The following STXBP4 variants were observed in gnomAD, a reference collection of about 807,000 sequenced individuals.
The protein encoded by STXBP4 is syntaxin-binding protein 4.
A neutral mutation model predicts 76.1 loss-of-function variants in STXBP4; 55 were observed. That is an observed-to-expected ratio of 0.72 (90% CI 0.58 to 0.91). STXBP4 has a LOEUF of 0.91. STXBP4 is among the 40% of genes least tolerant of loss of function. The pLI, the probability that STXBP4 is intolerant of heterozygous loss-of-function variation, is 0.00. For synonymous variants in STXBP4, 201 were observed against 220.2 expected (o/e 0.91, Z 0.77); for missense variants, 618 against 636.9 (o/e 0.97, Z 0.32).
chr17:54,997,513 T>A lies in STXBP4; in HGVS notation c.181-1832T>A, dbSNP rs538686363. Among the ~76,000 whole-genome samples, 412 of 136,618 alleles carry A rather than the reference T, an allele frequency of 3.0e-3. 1 individual carries two copies. The highest frequency in any genetic ancestry group is 6.8e-3 in the African/African-American group (264 of 38,890). The allele number at this position is 136,618 out of a possible 152,430, so 89.6% of individuals were successfully genotyped here. ...TCACATATTTACATAAAATCAAAAA[T>A]TTTTTTTAAATTATATATATAACAT... is the stretch of plus-strand genomic sequence containing the variant. On this transcript the variant is annotated intron_variant, in intron 4 of 17. Coordinates refer to ENST00000376352, the MANE Select transcript of STXBP4 (RefSeq NM_178509.6).
In STXBP4 at chr17:55,160,045, C is replaced by T; in HGVS notation, c.*134C>T. 1 of 545,456 alleles carries T rather than the reference C, an allele frequency of 1.8e-6. No individual in the cohort carries two copies. The allele number at this position is 545,456 out of a possible 1,614,324, so 33.8% of individuals were successfully genotyped here. Reference sequence around the variant, plus strand: ...TGAAGTGTGAAATGGAGACTCTGGACTTTGGGTATTTTTGTAAAACTTTTG... The same window carrying T: ...TGAAGTGTGAAATGGAGACTCTGGATTTTGGGTATTTTTGTAAAACTTTTG... On this transcript the variant is annotated 3_prime_UTR_variant, in exon 18 of 18. Transcript: ENST00000376352.
intron 16 of STXBP4, among the ~76,000 whole-genome samples, chr17:55,110,620 T>C (rs1055285942): frequency 6.0e-4 from 91 of 152,320 alleles, no homozygotes; most frequent in Non-Finnish European, 1.1e-3. Context: ...AACCAAGTAG[T>C]AACTATTTTA....
At chr17:55,040,807 A>C (rs1031029801) in intron 10 of STXBP4, among the ~76,000 whole-genome samples, 1 of 152,186 alleles carries the variant, frequency 6.6e-6, no homozygotes, top group Non-Finnish European at 1.5e-5. Context: ...AAGGTTAAGG[A>C]ATATAAATTT....
intron 4 of STXBP4, among the ~76,000 whole-genome samples, chr17:54,995,341 T>G (rs1413887933): frequency 6.6e-6 from 1 of 152,188 alleles, no homozygotes; most frequent in African/African-American, 2.4e-5. Flanking sequence ...TTCATTTTTA[T>G]TTCTTTCTTT....
At chr17:55,207,307 C>T in the STXBP4 span, among the ~76,000 whole-genome samples, 2 of 152,164 alleles carry the variant, frequency 1.3e-5, no homozygotes, top group Admixed American at 6.5e-5. Context: ...CATGTACACC[C>T]CAACTCCCAC....
chr17:55,130,626 C>T (rs887023996), intron 16 of STXBP4, among the ~76,000 whole-genome samples: 1 of 152,060 alleles, frequency 6.6e-6, no homozygotes, highest in African/African-American at 2.4e-5. Flanking sequence ...AGAATTTATC[C>T]CTCCTATGTA....
Position 55,166,609 on chromosome 17 carries a change from C to G in STXBP4, c.*6698C>G, listed in dbSNP as rs1037931108. The G allele has an allele frequency of 1.9e-4, 29 of 152,354 alleles. No individual in the cohort carries two copies. Among genetic ancestry groups the G allele is most frequent in the African/African-American group, 6.5e-4 (27 of 41,578 alleles). 9.4% of individuals were successfully genotyped at this position (152,354 alleles called of 1,614,324 possible). A position where few individuals can be genotyped will look rare whatever the true frequency, so the allele number is the denominator to read the frequency against. On this transcript the variant is annotated 3_prime_UTR_variant, in exon 18 of 18. Transcript: ENST00000376352. ...ACATCAAGATTCTGCTCTCATTTTA[C>G]CTCTTCTTTGAAGAGCTCCTTGACA...
chr17:55,050,028 T>C (rs1392195147), intron 12 of STXBP4, among the ~76,000 whole-genome samples: 1 of 151,994 alleles, frequency 6.6e-6, no homozygotes, highest in African/African-American at 2.4e-5. Context: ...ATGTATAAAC[T>C]TAATAAAAAT....
At chr17:55,015,472 A>G (rs188231152) in intron 8 of STXBP4, among the ~76,000 whole-genome samples, 57 of 152,330 alleles carry the variant, frequency 3.7e-4, no homozygotes, top group Middle Eastern at 3.4e-3. Flanking sequence ...CTGATTTAGC[A>G]GTAACATTAT....
intron 8 of STXBP4, among the ~76,000 whole-genome samples, chr17:55,013,316 G>A (rs987249096): frequency 1.3e-5 from 2 of 152,206 alleles, no homozygotes; most frequent in East Asian, 1.9e-4. Flanking sequence ...CTTGGGTTAA[G>A]GCCTTCTTTA....
intron 16 of STXBP4, among the ~76,000 whole-genome samples, chr17:55,100,063 A>G (rs1323287534): frequency 1.3e-5 from 2 of 152,196 alleles, no homozygotes; most frequent in Non-Finnish European, 2.9e-5. Flanking sequence ...GTGAACCTCA[A>G]CCAGCCCAGG....
intron 12 of STXBP4, among the ~76,000 whole-genome samples, chr17:55,055,495 GCTA>G (rs1219735635): frequency 2.6e-5 from 4 of 152,040 alleles, no homozygotes; most frequent in Non-Finnish European, 5.9e-5. Context: ...ACCAGATCAC[GCTA>G]CTTTTACCCT....
chr17:55,064,534 G>A lies in STXBP4; in HGVS notation c.1012-8366G>A, dbSNP rs556032516. 4.4e-3 allele frequency among the ~76,000 whole-genome samples: 670 copies of A among 152,048 alleles called. 2 individuals are homozygous for A. The highest frequency in any genetic ancestry group is 7.3e-3 in the Non-Finnish European group (495 of 68,000). ...GTTTGAGATGGAGTCTTGCTCTGTCGCCCAGACTGGAGTGCAGTGGCACAA... is the reference window on the plus strand; with the variant it reads ...GTTTGAGATGGAGTCTTGCTCTGTCACCCAGACTGGAGTGCAGTGGCACAA... On this transcript the variant is annotated intron_variant, in intron 12 of 17. Coordinates refer to ENST00000376352, the MANE Select transcript of STXBP4 (RefSeq NM_178509.6).
chr17:55,063,601 G>A (rs1488722768), intron 12 of STXBP4, among the ~76,000 whole-genome samples: 1 of 152,174 alleles, frequency 6.6e-6, no homozygotes, highest in Admixed American at 6.5e-5. Flanking sequence ...CTAAATGCGT[G>A]CTTTATATGG....
chr17:55,083,668 C>G (rs1207245041), intron 16 of STXBP4, among the ~76,000 whole-genome samples: 1 of 152,156 alleles, frequency 6.6e-6, no homozygotes, highest in African/African-American at 2.4e-5. Flanking sequence ...GGCTGGACAT[C>G]TAAGATGGGA....
chr17:55,113,217 C>CCACACACACACA (rs10611316), intron 16 of STXBP4, among the ~76,000 whole-genome samples: 8 of 141,424 alleles, frequency 5.7e-5, no homozygotes, highest in South Asian at 2.4e-4. Flanking sequence ...GGTGCTCTTA[C>CCACACACACACA]CACACACACA....
intron 4 of STXBP4, among the ~76,000 whole-genome samples, chr17:54,994,375 C>T (rs1476225476): frequency 4.6e-5 from 7 of 152,216 alleles, no homozygotes; most frequent in Admixed American, 3.3e-4. Context: ...ATTTACATCA[C>T]ACCATATTCT....
chr17:55,155,434 C>T (rs1443744234), intron 17 of STXBP4, among the ~76,000 whole-genome samples: 3 of 151,826 alleles, frequency 2.0e-5, no homozygotes, highest in African/African-American at 7.3e-5. Flanking sequence ...GTGCCTGAAA[C>T]AAATTATATT....
intron 1 of STXBP4, among the ~76,000 whole-genome samples, chr17:54,978,905 C>G (rs1430481522): frequency 1.3e-5 from 2 of 151,962 alleles, no homozygotes; most frequent in Non-Finnish European, 2.9e-5. Context: ...TTGTTTTTTA[C>G]CTAGACCATT....
Sources: allele counts gnomAD v4.1 joint callset (sites outside exome capture counted in the v4.1 genomes callset), GRCh38; gene constraint gnomAD v4.1.1; transcripts MANE v1.5; gene names NCBI Gene and HGNC (gene_info 2026-07-23, HGNC 2026-07-21).